CHST12: variants seen among roughly 807,000 people sequenced by gnomAD.
CHST12 encodes the protein carbohydrate (chondroitin 4) sulfotransferase 12.
CHST12 carries 23 observed loss-of-function variants against 27.9 expected under a neutral mutation model. That is an observed-to-expected ratio of 0.82 (90% CI 0.59 to 1.17). CHST12 has a LOEUF of 1.17. CHST12 is among the 50% of genes most tolerant of loss of function. CHST12 has a pLI of 0.00. For missense variants in CHST12, 682 were observed against 603.0 expected, an observed-to-expected ratio of 1.13 and a Z score of -1.37; for synonymous variants, 322 against 273.0, an observed-to-expected ratio of 1.18 and a Z score of -1.77.
In CHST12 at chr7:2,443,812, GTCTCA is replaced by G. The variant is rs1782678205; in HGVS notation, c.*9933_*9937del. The G allele has an allele frequency of 6.6e-6, 1 of 152,084 alleles. No homozygotes were observed. The highest frequency in any genetic ancestry group is 1.5e-5 in the Non-Finnish European group (1 of 68,034). The allele number at this position is 152,084 out of a possible 1,614,324, so 9.4% of individuals were successfully genotyped here. ...GTGGTTTCCGGAGGGTCCACCGGTG[GTCTCA>G]TCTCTTCTCTCTCAAACCATGGATG... On this transcript the variant is annotated 3_prime_UTR_variant, in exon 2 of 2. Transcript: ENST00000618655.
At position 2,446,034 on chromosome 7, in the gene CHST12, C is replaced by T. The variant is rs888943042; in HGVS notation, c.*12150C>T. 2 of 152,334 alleles carry T rather than the reference C, an allele frequency of 1.3e-5. No individual in the cohort carries two copies. Among genetic ancestry groups the T allele is most frequent in the African/African-American group, 2.4e-5 (1 of 41,450 alleles). 9.4% of individuals were successfully genotyped at this position (152,334 alleles called of 1,614,324 possible). On this transcript the variant is annotated 3_prime_UTR_variant, in exon 2 of 2. Coordinates refer to ENST00000618655, the MANE Select transcript of CHST12 (RefSeq NM_018641.5). Reference sequence around the variant, plus strand: ...AACCCAGCCCTGGCTTTGCCCAGACCTCTCAAGGGCACTTCGTGGGACCAT... The same window carrying T: ...AACCCAGCCCTGGCTTTGCCCAGACTTCTCAAGGGCACTTCGTGGGACCAT...
In CHST12 at chr7:2,433,308, C is replaced by T. The variant is rs148723150; in HGVS notation, c.669C>T (p.Tyr223=). ...HLTFNKFWRR[Y]GKLSRHLMKV... ...CCTTCAACAAGTTCTGGCGCCGCTA[C>T]GGGAAGCTCTCCCGCCACCTCATGA... The change falls in exon 2 of 2, where the codon TAC becomes TAT. Residue 223 remains tyrosine (Y), a synonymous_variant. Transcript: ENST00000618655. This position sits in a 1 kb window ranked among gnomAD's most constrained non-coding sequence, Gnocchi z 6.1. The T allele has an allele frequency of 1.7e-5, 28 of 1,612,494 alleles. No homozygotes were observed. In the African/African-American group the frequency reaches 2.0e-4, roughly 12 times the overall value.
chr7:2,422,803 G>T (rs1371833940), intron 1 of CHST12, among the ~76,000 whole-genome samples: 2 of 152,008 alleles, frequency 1.3e-5, no homozygotes, highest in Non-Finnish European at 2.9e-5. Context: ...CAAAGTGCTG[G>T]GATTACAGGA....
chr7:2,431,673 A>G (rs1782271286), intron 1 of CHST12, among the ~76,000 whole-genome samples: 1 of 152,190 alleles, frequency 6.6e-6, no homozygotes, highest in South Asian at 2.1e-4. Flanking sequence ...CAGCCCCACC[A>G]ACACCCCCTG....
intron 1 of CHST12, among the ~76,000 whole-genome samples, chr7:2,426,044 G>C (rs756343970): frequency 3.3e-5 from 5 of 152,074 alleles, no homozygotes; most frequent in Admixed American, 2.0e-4. Flanking sequence ...GACCTCTTTG[G>C]GGGACCTGCA....
intron 1 of CHST12, among the ~76,000 whole-genome samples, chr7:2,422,516 A>T (rs1292699264): frequency 1.3e-5 from 2 of 151,342 alleles, no homozygotes; most frequent in African/African-American, 4.9e-5. Context: ...AGGTTCTGGG[A>T]TTACAGGCGT....
rs1182639403 is a variant in CHST12, at chr7:2,445,597, A to G, written c.*11713A>G. ...AGGTGTGTGCCACCACATCCAGCTA[A>G]TTTTTTGTATTTTTAGTAGAGATGG... On this transcript the variant is annotated 3_prime_UTR_variant, in exon 2 of 2. Coordinates refer to ENST00000618655, the MANE Select transcript of CHST12 (RefSeq NM_018641.5). 6.6e-6 allele frequency: 1 copy of G among 152,070 alleles called. No individual in the cohort carries two copies. Among genetic ancestry groups the G allele is most frequent in the Non-Finnish European group, 1.5e-5 (1 of 68,058 alleles). The allele number at this position is 152,070 out of a possible 1,614,324, so 9.4% of individuals were successfully genotyped here. A position where few individuals can be genotyped will look rare whatever the true frequency, so the allele number is the denominator to read the frequency against.
intron 1 of CHST12, among the ~76,000 whole-genome samples, chr7:2,422,108 C>A (rs890833538): frequency 2.0e-5 from 3 of 152,188 alleles, no homozygotes; most frequent in Non-Finnish European, 4.4e-5. Context: ...CATCCCTGGC[C>A]TCTGGCGTCT....
chr7:2,433,304 G>T lies in CHST12; in HGVS notation c.665G>T (p.Arg222Leu), dbSNP rs3735101. The change falls in exon 2 of 2, where the codon CGC becomes CTC. Residue 222 changes from arginine (R) to leucine (L), a missense_variant. Coordinates refer to ENST00000618655, the MANE Select transcript of CHST12 (RefSeq NM_018641.5). The surrounding 1 kb of genome is among the most constrained non-coding windows in gnomAD (Gnocchi z 6.1). Reference protein sequence around the residue: ...AHLTFNKFWRRYGKLSRHLMK... With the variant: ...AHLTFNKFWRLYGKLSRHLMK... ...CTGACCTTCAACAAGTTCTGGCGCC[G>T]CTACGGGAAGCTCTCCCGCCACCTC... is the stretch of plus-strand genomic sequence containing the variant. The T allele has an allele frequency of 9.7e-5, 157 of 1,612,392 alleles. No individual in the cohort carries two copies. In the East Asian group the frequency reaches 3.4e-3, roughly 35 times the overall value.
At chr7:2,427,358 C>T (rs563594207) in intron 1 of CHST12, among the ~76,000 whole-genome samples, 12 of 152,038 alleles carry the variant, frequency 7.9e-5, no homozygotes, top group Non-Finnish European at 1.3e-4. Flanking sequence ...AAAATTAGCC[C>T]GGCCCAGTGG....
At chr7:2,420,339 T>C (rs1254102086) in intron 1 of CHST12, among the ~76,000 whole-genome samples, 1 of 152,198 alleles carries the variant, frequency 6.6e-6, no homozygotes, top group Non-Finnish European at 1.5e-5. Context: ...ATCCATGTTG[T>C]AGCATGTGTC....
intron 1 of CHST12, among the ~76,000 whole-genome samples, chr7:2,425,101 G>A (rs1782075692): frequency 6.6e-6 from 1 of 151,674 alleles, no homozygotes; most frequent in East Asian, 1.9e-4. Flanking sequence ...AGCTACTCGG[G>A]AGGCTGAGGC....
intron 1 of CHST12, among the ~76,000 whole-genome samples, chr7:2,420,831 C>T (rs1010786675): frequency 2.0e-4 from 30 of 152,134 alleles, no homozygotes; most frequent in African/African-American, 7.2e-4. Flanking sequence ...GGTGTATACA[C>T]AGAAGTGGAA....
chr7:2,405,911 A>G lies in CHST12; in HGVS notation c.-78+2238A>G, dbSNP rs376819258. Among the ~76,000 whole-genome samples, 15 of 152,192 alleles carry G rather than the reference A, an allele frequency of 9.9e-5. No homozygotes were observed. The East Asian group carries it at 2.7e-3, about 27-fold the overall frequency. On this transcript the variant is annotated intron_variant, in intron 1 of 1. Coordinates refer to ENST00000618655, the MANE Select transcript of CHST12 (RefSeq NM_018641.5). ...CTGTACAAGGAGGGAATCCCCAGGA[A>G]CCCCAGTGGGAAGGGATCCAGAGCT...
At chr7:2,424,800 G>A (rs1036145582) in intron 1 of CHST12, among the ~76,000 whole-genome samples, 6 of 152,102 alleles carry the variant, frequency 3.9e-5, no homozygotes, top group Admixed American at 6.6e-5. Flanking sequence ...AACAGCCCCA[G>A]CTCCCACAGA....
chr7:2,431,396 C>T (rs1403487510), intron 1 of CHST12, among the ~76,000 whole-genome samples: 1 of 152,240 alleles, frequency 6.6e-6, no homozygotes, highest in East Asian at 1.9e-4. Flanking sequence ...ACTTGCCCCA[C>T]CTCTAACCAC....
intron 1 of CHST12, among the ~76,000 whole-genome samples, chr7:2,412,794 G>C (rs1312122092): frequency 1.3e-5 from 2 of 152,140 alleles, no homozygotes; most frequent in African/African-American, 4.8e-5. Context: ...CCCAGTTCAT[G>C]TGAGGATTAA....
chr7:2,440,830 A>C lies in CHST12; in HGVS notation c.*6946A>C, dbSNP rs1202142935. On this transcript the variant is annotated 3_prime_UTR_variant, in exon 2 of 2. Transcript: ENST00000618655. ...TGGATTTATCTTGGGGTCGGGAGTC[A>C]ACGATACTTCTTGTGCTGTCGTTTC... 6.6e-6 allele frequency: 1 copy of C among 152,224 alleles called. No homozygotes were observed. The highest frequency in any genetic ancestry group is 6.5e-5 in the Admixed American group (1 of 15,278). 9.4% of individuals were successfully genotyped at this position (152,224 alleles called of 1,614,324 possible).
intron 1 of CHST12, among the ~76,000 whole-genome samples, chr7:2,405,305 C>T (rs906975580): frequency 7.9e-5 from 12 of 152,028 alleles, no homozygotes; most frequent in Non-Finnish European, 5.9e-5. Context: ...TTTAGCTGGG[C>T]GTGGTGGTGC....
Sources: allele counts gnomAD v4.1 joint callset (sites outside exome capture counted in the v4.1 genomes callset), GRCh38; gene constraint gnomAD v4.1.1; non-coding constraint Gnocchi (gnomAD v3.1); transcripts MANE v1.5; gene names NCBI Gene and HGNC (gene_info 2026-07-23, HGNC 2026-07-21).